The following CACNA2D1 variants were observed in gnomAD, a reference collection of about 807,000 sequenced individuals.
The protein encoded by CACNA2D1 is voltage-dependent calcium channel subunit alpha-2/delta-1.
CACNA2D1 carries 53 observed loss-of-function variants against 171.5 expected under a neutral mutation model. That is an observed-to-expected ratio of 0.31 (90% CI 0.25 to 0.39). CACNA2D1 has a LOEUF of 0.39. Among genes scored for constraint, CACNA2D1 ranks in the 10% least tolerant of loss-of-function variants. The probability of loss-of-function intolerance (pLI) is 1.00; values close to 1 mark genes in which losing one functional copy is unlikely to be tolerated. For synonymous variants in CACNA2D1, 442 were observed against 443.1 expected (o/e 1.00, Z 0.03); for missense variants, 903 against 1,299.8 (o/e 0.69, Z 4.69).
At chr7:82,324,653 G>A (rs993050909) in intron 3 of CACNA2D1, among the ~76,000 whole-genome samples, 4 of 152,038 alleles carry the variant, frequency 2.6e-5, no homozygotes, top group African/African-American at 9.7e-5. Context: ...TAACGTAAGA[G>A]AGGAAATGTG....
chr7:82,393,523 A>T (rs1340129171), intron 1 of CACNA2D1, among the ~76,000 whole-genome samples: 2 of 152,252 alleles, frequency 1.3e-5, no homozygotes, highest in Admixed American at 1.3e-4. Flanking sequence ...GTTTTATTTC[A>T]ATGTAATAGC....
chr7:82,370,666 CA>C (rs1044985512), intron 1 of CACNA2D1, among the ~76,000 whole-genome samples: 54 of 151,798 alleles, frequency 3.6e-4, no homozygotes, highest in African/African-American at 1.2e-3. Context: ...AAATATTGTT[CA>C]AATATTTTCA....
chr7:82,341,018 T>C (rs1442889150), intron 2 of CACNA2D1, among the ~76,000 whole-genome samples: 2 of 152,184 alleles, frequency 1.3e-5, no homozygotes, highest in Non-Finnish European at 2.9e-5. Context: ...AAAATCAATT[T>C]CACTTAATTT....
At chr7:82,126,997 C>A (rs929381) in intron 5 of CACNA2D1, among the ~76,000 whole-genome samples, 75,016 of 152,034 alleles carry the variant, frequency 0.49, 18,896 homozygotes, top group African/African-American at 0.59. Context: ...GAATATAATA[C>A]GCCTGAGTTC....
chr7:82,350,429 G>C (rs560640197), intron 1 of CACNA2D1, among the ~76,000 whole-genome samples: 74 of 152,258 alleles, frequency 4.9e-4, no homozygotes, highest in Admixed American at 2.4e-3. Context: ...ACTTTGGGAG[G>C]CCGAGGCAGG....
intron 1 of CACNA2D1, among the ~76,000 whole-genome samples, chr7:82,353,694 G>C (rs1820102480): frequency 6.6e-6 from 1 of 152,018 alleles, no homozygotes; most frequent in South Asian, 2.1e-4. Flanking sequence ...AGAGAATAAA[G>C]AAGTATACAG....
At chr7:82,177,043 T>A (rs905075616) in intron 3 of CACNA2D1, among the ~76,000 whole-genome samples, 1 of 126,332 alleles carries the variant, frequency 7.9e-6, no homozygotes, top group Non-Finnish European at 1.5e-5. Flanking sequence ...CATTAGCCAA[T>A]GACAAGATTT....
At chr7:82,000,628 T>A (rs933832612) in intron 18 of CACNA2D1, among the ~76,000 whole-genome samples, 1 of 152,030 alleles carries the variant, frequency 6.6e-6, no homozygotes, top group African/African-American at 2.4e-5. Context: ...AGACGGGGTC[T>A]CGCTCTGTCA....
intron 1 of CACNA2D1, among the ~76,000 whole-genome samples, chr7:82,357,089 G>C (rs1330708948): frequency 6.6e-6 from 1 of 151,962 alleles, no homozygotes; most frequent in African/African-American, 2.4e-5. Flanking sequence ...TTATTGTACA[G>C]AAACAGCCCA....
chr7:82,095,719 G>T (rs747832945), intron 6 of CACNA2D1, among the ~76,000 whole-genome samples: 117 of 152,262 alleles, frequency 7.7e-4, no homozygotes, highest in South Asian at 1.5e-3. Context: ...CTCTCTGTTG[G>T]ATATTTTTAA....
At chr7:81,983,293 G>A in intron 23 of CACNA2D1, 21 bp downstream of exon 23, 2 of 1,598,110 alleles carry the variant, frequency 1.3e-6, no homozygotes, top group Non-Finnish European at 1.7e-6. Flanking sequence ...GAAAGAAGTT[G>A]AGCAACAAGA....
intron 5 of CACNA2D1, among the ~76,000 whole-genome samples, chr7:82,134,226 C>CATATTCTTTATCCATTTAAGT (rs1469286869): frequency 5.3e-5 from 8 of 152,202 alleles, no homozygotes; most frequent in African/African-American, 1.9e-4. Context: ...ATAATGTGGT[C>CATATTCTTTATCCATTTAAGT]ATATTCTTTA....
chr7:82,149,147 T>C (rs1334947695), intron 4 of CACNA2D1, among the ~76,000 whole-genome samples: 2 of 152,174 alleles, frequency 1.3e-5, no homozygotes, highest in Admixed American at 6.5e-5. Flanking sequence ...GACTACACCT[T>C]AGCCATGTTT....
chr7:82,129,410 T>C (rs190933126), intron 5 of CACNA2D1, among the ~76,000 whole-genome samples: 2 of 152,318 alleles, frequency 1.3e-5, no homozygotes, highest in East Asian at 3.9e-4. Flanking sequence ...CACCTATGAA[T>C]TCTGACCTTC....
chr7:82,079,056 G>A (rs1809356156), intron 7 of CACNA2D1, among the ~76,000 whole-genome samples: 1 of 152,140 alleles, frequency 6.6e-6, no homozygotes, highest in Non-Finnish European at 1.5e-5. Context: ...ATTAATTACG[G>A]AACTACTGTT....
chr7:82,274,583 A>G (rs1809074425), intron 3 of CACNA2D1, among the ~76,000 whole-genome samples: 1 of 152,176 alleles, frequency 6.6e-6, no homozygotes, highest in Admixed American at 6.5e-5. Flanking sequence ...CTACATTTCT[A>G]ATCAGTACTG....
At chr7:82,017,442 T>A (rs1034486973) in intron 12 of CACNA2D1, among the ~76,000 whole-genome samples, 5 of 152,152 alleles carry the variant, frequency 3.3e-5, no homozygotes, top group Non-Finnish European at 5.9e-5. Context: ...AATAATGTAT[T>A]GGTTAAATTT....
chr7:81,967,738 G>C, intron 29 of CACNA2D1, 75 bp from the exon 30 acceptor site: 1 of 721,946 alleles, frequency 1.4e-6, no homozygotes. Context: ...CAGTTATTTT[G>C]ATAGCAAGTA....
intron 3 of CACNA2D1, among the ~76,000 whole-genome samples, chr7:82,273,759 T>C (rs1369653374): frequency 6.6e-6 from 1 of 152,210 alleles, no homozygotes; most frequent in Non-Finnish European, 1.5e-5. Flanking sequence ...TGCGTATGCA[T>C]GCATAAGTGT....
Sources: gnomAD v4.1 joint callset for allele counts (sites outside exome capture counted in the v4.1 genomes callset) on GRCh38, gnomAD v4.1.1 for gene constraint, MANE v1.5 for transcripts, NCBI Gene and HGNC (gene_info 2026-07-23, HGNC 2026-07-21) for gene names.